NUP98: variants seen among roughly 807,000 people sequenced by gnomAD.
NUP98 encodes nucleoporin 98 and 96 precursor.
A neutral mutation model predicts 191.9 loss-of-function variants in NUP98; 26 were observed. The ratio of observed to expected loss-of-function variants is 0.14; its 90% CI spans 0.10 to 0.19. NUP98 has a LOEUF of 0.19. Among genes scored for constraint, NUP98 ranks in the 10% least tolerant of loss-of-function variants. The pLI is 1.00. For missense variants in NUP98, 1,941 were observed against 2,178.8 expected, an observed-to-expected ratio of 0.89 and a Z score of 2.17; for synonymous variants, 808 against 778.4, an observed-to-expected ratio of 1.04 and a Z score of -0.63.
intron 1 of NUP98, among the ~76,000 whole-genome samples, chr11:3,793,503 G>A (rs1392661839): frequency 2.0e-5 from 3 of 151,850 alleles, no homozygotes; most frequent in African/African-American, 7.3e-5. Context: ...AGCCAGGATG[G>A]TCTCAAACTC....
intron 26 of NUP98, 76 bp downstream of exon 26, chr11:3,695,373 T>TC (rs2078467604): frequency 7.5e-7 from 1 of 1,330,688 alleles, no homozygotes; most frequent in Middle Eastern, 2.0e-4. Flanking sequence ...CAAAGATCAC[T>TC]CCTTGCCTCA....
chr11:3,796,491 C>T (rs1590011013), intron 1 of NUP98, among the ~76,000 whole-genome samples: 1 of 152,206 alleles, frequency 6.6e-6, no homozygotes, highest in East Asian at 1.9e-4. Flanking sequence ...AAGTTTAGTT[C>T]TCAAGCTCTA....
chr11:3,683,862 A>C (rs2078055166), intron 29 of NUP98, among the ~76,000 whole-genome samples: 1 of 152,012 alleles, frequency 6.6e-6, no homozygotes, highest in South Asian at 2.1e-4. Flanking sequence ...TGATCACTTT[A>C]AGCTTCACTA....
chr11:3,692,489 T>C (rs1003372290), intron 27 of NUP98, among the ~76,000 whole-genome samples: 2 of 151,668 alleles, frequency 1.3e-5, no homozygotes, highest in Admixed American at 6.6e-5. Context: ...TAGCCAGGCG[T>C]AGTGGCACAT....
intron 10 of NUP98, among the ~76,000 whole-genome samples, chr11:3,758,397 A>C (rs952042433): frequency 6.6e-6 from 1 of 152,198 alleles, no homozygotes; most frequent in African/African-American, 2.4e-5. Context: ...AAAATAGTCT[A>C]CAAACGGTCC....
At chr11:3,736,607 G>C (rs957259059) in intron 12 of NUP98, among the ~76,000 whole-genome samples, 2 of 152,194 alleles carry the variant, frequency 1.3e-5, no homozygotes, top group East Asian at 1.9e-4. Flanking sequence ...CAGCCTGGGT[G>C]AAAGAGCGAG....
chr11:3,740,095 T>C (rs1589848731), intron 12 of NUP98, among the ~76,000 whole-genome samples: 2 of 152,318 alleles, frequency 1.3e-5, no homozygotes, highest in East Asian at 1.9e-4. Flanking sequence ...CCTCATGTTG[T>C]CCAAGGGTCT....
At chr11:3,787,618 C>G (rs557787074) in intron 1 of NUP98, among the ~76,000 whole-genome samples, 1 of 151,960 alleles carries the variant, frequency 6.6e-6, no homozygotes, top group Non-Finnish European at 1.5e-5. Flanking sequence ...ATCGTATCTC[C>G]TTTTCTTCCT....
intron 14 of NUP98, among the ~76,000 whole-genome samples, chr11:3,728,351 G>A (rs1025969316): frequency 1.3e-5 from 2 of 152,206 alleles, no homozygotes; most frequent in Admixed American, 1.3e-4. Flanking sequence ...TTAGGGTTTT[G>A]AGGAGAAAAG....
At chr11:3,714,615 A>G (rs1055992064) in intron 18 of NUP98, among the ~76,000 whole-genome samples, 2 of 152,178 alleles carry the variant, frequency 1.3e-5, no homozygotes, top group East Asian at 1.9e-4. Context: ...TTGTTTCTAT[A>G]AAGTTGACTT....
intron 28 of NUP98, among the ~76,000 whole-genome samples, chr11:3,688,563 G>A (rs1354779986): frequency 6.6e-6 from 1 of 151,524 alleles, no homozygotes; most frequent in African/African-American, 2.4e-5. Context: ...GGGAGGCCGA[G>A]GCAGGAGGAT....
rs1032129771 is a variant in NUP98 at position 3,755,658 on chromosome 11, T to C, written c.1175-2250A>G. The stretch of plus-strand genomic sequence containing the variant: ...AAAGTTTAAAAACAATCGTATTTCA[T>C]GTCATTTTAAAATTCAAGCAAGCAG... On this transcript the variant is annotated intron_variant, in intron 10 of 32. Transcript: ENST00000324932. Among the ~76,000 whole-genome samples the C allele has an allele frequency of 8.5e-5, 13 of 152,232 alleles. No individual in the cohort carries two copies. The South Asian group carries it at 1.0e-3, about 12-fold the overall frequency.
chr11:3,784,302 TTC>T (rs2082068793), intron 1 of NUP98, among the ~76,000 whole-genome samples: 1 of 151,974 alleles, frequency 6.6e-6, no homozygotes, highest in Non-Finnish European at 1.5e-5. Context: ...TACAGAAATA[TTC>T]TCTCTCCTGA....
chr11:3,756,605 T>C (rs7110496), intron 10 of NUP98, among the ~76,000 whole-genome samples: 28,670 of 135,626 alleles, frequency 0.21, 2,794 homozygotes, highest in Non-Finnish European at 0.23. Context: ...GTGTTTTTAG[T>C]AGAAATGGGG....
intron 26 of NUP98, among the ~76,000 whole-genome samples, chr11:3,693,829 C>T (rs1490516069): frequency 6.6e-6 from 1 of 152,128 alleles, no homozygotes; most frequent in Non-Finnish European, 1.5e-5. Flanking sequence ...ATTTTTATTT[C>T]TGAAAATACT....
intron 26 of NUP98, among the ~76,000 whole-genome samples, chr11:3,694,513 G>C (rs1201121633): frequency 1.3e-5 from 2 of 151,822 alleles, no homozygotes; most frequent in African/African-American, 2.4e-5. Flanking sequence ...GGCTGAGGCA[G>C]GCAGATCATG....
In NUP98 at chr11:3,768,711, A is replaced by G; in HGVS notation, c.818T>C (p.Leu273Pro). 1 of 1,600,856 alleles carries G rather than the reference A, an allele frequency of 6.2e-7. No homozygotes were observed. Among genetic ancestry groups the G allele is most frequent in the Non-Finnish European group, 8.5e-7 (1 of 1,173,420 alleles). ...TTGFGTNPGG[L>P]FGQQNQQTTS... Reference sequence around the variant, plus strand: ...AGTCTGCTGATTCTGTTGGCCAAAGAGACCACCTGGATTTGTTCCAAATCC... The same window carrying G: ...AGTCTGCTGATTCTGTTGGCCAAAGGGACCACCTGGATTTGTTCCAAATCC... The change falls in exon 8 of 33, where the codon CTC becomes CCC. Residue 273 changes from leucine (L) to proline (P), a missense_variant. Transcript: ENST00000324932.
intron 18 of NUP98, among the ~76,000 whole-genome samples, chr11:3,717,203 C>G (rs2134193637): frequency 6.6e-6 from 1 of 152,226 alleles, no homozygotes; most frequent in South Asian, 2.1e-4. Flanking sequence ...CCATGTTGGC[C>G]AGGCTCACTT....
At chr11:3,777,160 CA>C (rs2081761409) in intron 4 of NUP98, among the ~76,000 whole-genome samples, 1 of 151,948 alleles carries the variant, frequency 6.6e-6, no homozygotes, top group Non-Finnish European at 1.5e-5. Flanking sequence ...CCCAAAATTT[CA>C]GAAAAATTAG....
Sources: allele counts gnomAD v4.1 joint callset (sites outside exome capture counted in the v4.1 genomes callset), GRCh38; gene constraint gnomAD v4.1.1; transcripts MANE v1.5; gene names NCBI Gene and HGNC (gene_info 2026-07-23, HGNC 2026-07-21).